Variants in FOXN4 observed in about 807,000 individuals in gnomAD.
FOXN4 encodes forkhead box protein N4.
A neutral mutation model predicts 45.0 loss-of-function variants in FOXN4; 12 were observed. The observed-to-expected ratio is 0.27, with a 90% CI of 0.17 to 0.43. The LOEUF is 0.43. FOXN4 is among the 20% of genes least tolerant of loss of function. FOXN4 has a pLI of 1.00. For synonymous variants in FOXN4, 297 were observed against 295.0 expected (o/e 1.01, Z -0.07); for missense variants, 560 against 694.9 (o/e 0.81, Z 2.18).
chr12:109,290,262 A>G lies in FOXN4; in HGVS notation c.111T>C (p.Asp37=). 1.3e-6 allele frequency: 2 copies of G among 1,550,730 alleles called. No homozygotes were observed. The highest frequency in any genetic ancestry group is 1.7e-6 in the Non-Finnish European group (2 of 1,146,538). ...GCGACTGCAGGTCCCCGGGAAGGTC[A>G]TCATCGCTGGTGGTGGCTAGAAGCC... The part of the protein sequence containing the change: ...EYRLLATTSD[D]DLPGDLQSLS... Residue 37 remains aspartate, a synonymous_variant, in exon 3 of 10, where the codon GAT becomes GAC. Coordinates refer to ENST00000299162, the MANE Select transcript of FOXN4 (RefSeq NM_213596.3). The surrounding 1 kb of genome is among the most constrained non-coding windows in gnomAD (Gnocchi z 5.1).
At chr12:109,306,045 G>A (rs1420806863) in intron 2 of FOXN4, among the ~76,000 whole-genome samples, 10 of 152,094 alleles carry the variant, frequency 6.6e-5, no homozygotes, top group South Asian at 2.1e-4. Flanking sequence ...TCAAGACTCC[G>A]GGGCTGAGTC....
intron 8 of FOXN4, 120 bp from the exon 9 acceptor site, chr12:109,281,919 T>C (rs2047657229): frequency 1.7e-6 from 2 of 1,179,140 alleles, no homozygotes; most frequent in East Asian, 5.2e-5. Context: ...TCTTGGACAC[T>C]CAGAACCTCT....
intron 2 of FOXN4, among the ~76,000 whole-genome samples, chr12:109,297,851 T>C (rs2047831874): frequency 6.6e-6 from 1 of 152,192 alleles, no homozygotes; most frequent in East Asian, 1.9e-4. Flanking sequence ...TTTAAATTCA[T>C]TGAAATAAAA....
chr12:109,299,886 G>C (rs2047854099), intron 2 of FOXN4, among the ~76,000 whole-genome samples: 1 of 152,062 alleles, frequency 6.6e-6, no homozygotes, highest in Admixed American at 6.6e-5. Flanking sequence ...CCAGCCCCGG[G>C]TCCCCCTTTG....
At chr12:109,284,338 C>CGCCT (rs1036892381) in intron 8 of FOXN4, among the ~76,000 whole-genome samples, 1 of 152,212 alleles carries the variant, frequency 6.6e-6, no homozygotes, top group Non-Finnish European at 1.5e-5. Flanking sequence ...GTTTGCCAGA[C>CGCCT]GCCTGTCTTC....
chr12:109,297,822 G>A (rs536290376), intron 2 of FOXN4, among the ~76,000 whole-genome samples: 2 of 152,248 alleles, frequency 1.3e-5, no homozygotes, highest in South Asian at 4.2e-4. Context: ...CAATAGGCAG[G>A]CACAAGCAGC....
intron 2 of FOXN4, among the ~76,000 whole-genome samples, chr12:109,304,219 AAG>A (rs1260789438): frequency 8.1e-6 from 1 of 122,956 alleles, no homozygotes; most frequent in African/African-American, 3.0e-5. Flanking sequence ...AAAGAAAAGA[AAG>A]AGAAAGAAAG....
At chr12:109,294,503 TG>T (rs1411733335) in intron 2 of FOXN4, among the ~76,000 whole-genome samples, 1 of 152,008 alleles carries the variant, frequency 6.6e-6, no homozygotes, top group East Asian at 1.9e-4. Flanking sequence ...ATCCCAAAGG[TG>T]GTCTGGTCCT....
In FOXN4 at chr12:109,287,499, G is replaced by T. The variant is rs1302863501; in HGVS notation, c.494C>A (p.Pro165His). The change falls in exon 6 of 10, where the codon CCC becomes CAC. Residue 165 changes from proline (P) to histidine (H), a missense_variant. Coordinates refer to ENST00000299162, the MANE Select transcript of FOXN4 (RefSeq NM_213596.3). This position sits in a 1 kb window ranked among gnomAD's most constrained non-coding sequence, Gnocchi z 4.1. ...QQCPPVGLYG[P>H]PFGVRPPYPQ... is the part of the protein sequence containing the mutation. ...GTAGGGGGGCCGCACCCCAAATGGG[G>T]GGCCATAGAGGCCCACAGGAGGGCA... The T allele has an allele frequency of 6.5e-7, 1 of 1,544,866 alleles. No individual in the cohort carries two copies. The highest frequency in any genetic ancestry group is 2.0e-5 in the Admixed American group (1 of 49,546).
Position 109,290,193 on chromosome 12 carries a change from C to A in FOXN4, c.180G>T (p.Met60Ile). The A allele has an allele frequency of 6.4e-7, 1 of 1,551,472 alleles. No homozygotes were observed. The highest frequency in any genetic ancestry group is 8.7e-7 in the Non-Finnish European group (1 of 1,146,940). ...TAVDVPRLQQ[M>I]ASGRVDLGGP... ...CACCCAGGTCCACGCGGCCACTTGC[C>A]ATCTGCTGCAGCCGAGGCACATCCA... Residue 60 changes from methionine (M) to isoleucine (I), a missense_variant, in exon 3 of 10, where the codon ATG (methionine) becomes ATT (isoleucine). Physicochemically the swap from Met to Ile is conservative, Grantham distance 10 (BLOSUM62 1). Transcript: ENST00000299162. This position sits in a 1 kb window ranked among gnomAD's most constrained non-coding sequence, Gnocchi z 5.1.
chr12:109,279,923 C>T lies in FOXN4; in HGVS notation c.1302G>A (p.Leu434=). The change falls in exon 10 of 10, where the codon CTG becomes CTA. Residue 434 remains leucine (L), a synonymous_variant. Transcript: ENST00000299162. ...ATCCCTCATCCTTCATCTCCTCCCACAGGTTCCCTTTCAAAGACAAAAGCA... is the reference window on the plus strand; with the variant it reads ...ATCCCTCATCCTTCATCTCCTCCCATAGGTTCCCTTTCAAAGACAAAAGCA... ...SIMDFALQGN[L]WEEMKDEGFS... is the part of the protein sequence containing the mutation. The T allele has an allele frequency of 6.2e-7, 1 of 1,613,918 alleles. No individual in the cohort carries two copies. Among genetic ancestry groups the T allele is most frequent in the Non-Finnish European group, 8.5e-7 (1 of 1,179,828 alleles).
chr12:109,308,875 G>A (rs570489002), intron 1 of FOXN4, among the ~76,000 whole-genome samples: 249 of 152,098 alleles, frequency 1.6e-3, no homozygotes, highest in African/African-American at 4.3e-3. Flanking sequence ...CACAAACACT[G>A]CCTTAAAAAA....
In FOXN4 at chr12:109,281,507, G is replaced by C. The variant is rs372728344; in HGVS notation, c.1194C>G (p.Pro398=). Residue 398 remains proline (P), a synonymous_variant, in exon 9 of 10, where the codon CCC becomes CCG. Transcript: ENST00000299162. ...PDLSPSPLPH[P]AMGRAPVDFI... is the part of the protein sequence containing the mutation. Reference sequence around the variant, plus strand: ...AGTCTACAGGAGCCCTTCCCATGGCGGGGTGGGGGAGCGGGCTGGGGCTGA... The same window carrying C: ...AGTCTACAGGAGCCCTTCCCATGGCCGGGTGGGGGAGCGGGCTGGGGCTGA... The C allele has an allele frequency of 1.9e-6, 3 of 1,613,866 alleles. No homozygotes were observed. The highest frequency in any genetic ancestry group is 2.2e-5 in the East Asian group (1 of 44,888).
At chr12:109,306,581 A>G (rs557933373) in intron 2 of FOXN4, among the ~76,000 whole-genome samples, 1 of 152,334 alleles carries the variant, frequency 6.6e-6, no homozygotes, top group African/African-American at 2.4e-5. Context: ...GCCTTCATAG[A>G]TAATATGATA....
chr12:109,284,144 T>A (rs558022520), intron 8 of FOXN4, among the ~76,000 whole-genome samples: 28 of 152,250 alleles, frequency 1.8e-4, no homozygotes, highest in Non-Finnish European at 3.8e-4. Context: ...TTTAAACATC[T>A]CTGACAATGT....
In FOXN4 at chr12:109,278,732, T is replaced by G. The variant is rs1279552823; in HGVS notation, c.*939A>C. 1 of 151,894 alleles carries G rather than the reference T, an allele frequency of 6.6e-6. No individual in the cohort carries two copies. Among genetic ancestry groups the G allele is most frequent in the East Asian group, 1.9e-4 (1 of 5,162 alleles). The allele number at this position is 151,894 out of a possible 1,614,324, so 9.4% of individuals were successfully genotyped here. A position where few individuals can be genotyped will look rare whatever the true frequency, so the allele number is the denominator to read the frequency against. On this transcript the variant is annotated 3_prime_UTR_variant, in exon 10 of 10. Transcript: ENST00000299162. ...CCCCAAACAATGGCACCGCCCCTCT[T>G]AGGTACATGCAAGAAGAGATGTGAA...
Position 109,282,884 on chromosome 12 carries a change from C to T in FOXN4, c.902-1085G>A, listed in dbSNP as rs1476854114. Among the ~76,000 whole-genome samples the T allele has an allele frequency of 2.6e-5, 4 of 151,680 alleles. No homozygotes were observed. The South Asian group carries it at 6.2e-4, about 24-fold the overall frequency. ...AGGCAAAATAACTTGCCCAAGACTT[C>T]ACTCCGAATATGTGTCAGTACTGGC... On this transcript the variant is annotated intron_variant, in intron 8 of 9. Transcript: ENST00000299162.
At chr12:109,304,270 A>AGAAAGAAAGAAAGAAG (rs1566005605) in intron 2 of FOXN4, among the ~76,000 whole-genome samples, 3 of 100,290 alleles carry the variant, frequency 3.0e-5, no homozygotes, top group African/African-American at 1.3e-4. Flanking sequence ...AAAGAAAGAA[A>AGAAAGAAAGAAAGAAG]GAAAGAAAGA....
chr12:109,306,193 C>T (rs1379740828), intron 2 of FOXN4, among the ~76,000 whole-genome samples: 3 of 152,168 alleles, frequency 2.0e-5, no homozygotes, highest in Non-Finnish European at 4.4e-5. Context: ...TCTAATGTAA[C>T]TAAGTGGTAA....
Sources: gnomAD v4.1 joint callset for allele counts (sites outside exome capture counted in the v4.1 genomes callset) on GRCh38, gnomAD v4.1.1 for gene constraint, Gnocchi (gnomAD v3.1) non-coding constraint, MANE v1.5 for transcripts, NCBI Gene and HGNC (gene_info 2026-07-23, HGNC 2026-07-21) for gene names.